Variants in PCDH9 observed in about 807,000 individuals in gnomAD.
PCDH9 encodes protocadherin 9.
PCDH9 carries 24 observed loss-of-function variants against 70.6 expected under a neutral mutation model. The observed-to-expected ratio is 0.34, with a 90% CI of 0.25 to 0.48. The LOEUF (loss-of-function observed/expected upper bound fraction) is 0.48, where lower values mean the gene tolerates loss of function less well. Among genes scored for constraint, PCDH9 ranks in the 20% least tolerant of loss-of-function variants. PCDH9 has a pLI of 0.99. For synonymous variants in PCDH9, 562 were observed against 558.5 expected, an observed-to-expected ratio of 1.01 and a Z score of -0.09; for missense variants, 1,281 against 1,503.6, an observed-to-expected ratio of 0.85 and a Z score of 2.45.
chr13:66,821,528 A>G (rs536110162), intron 3 of PCDH9, among the ~76,000 whole-genome samples: 1 of 152,172 alleles, frequency 6.6e-6, no homozygotes, highest in Admixed American at 6.5e-5. Flanking sequence ...CAGTATTCAT[A>G]GAAAAAGTCA....
At chr13:66,491,230 TA>T (rs1959027233) in intron 4 of PCDH9, among the ~76,000 whole-genome samples, 1 of 152,172 alleles carries the variant, frequency 6.6e-6, no homozygotes, top group African/African-American at 2.4e-5. Context: ...TGTTCTTTTT[TA>T]AACAGTGGTT....
chr13:66,588,731 T>G (rs1197243332), intron 4 of PCDH9, among the ~76,000 whole-genome samples: 1 of 151,870 alleles, frequency 6.6e-6, no homozygotes. Flanking sequence ...GTTCTTTTCT[T>G]GAAGATAATT....
At chr13:66,505,946 C>A (rs1212077787) in intron 4 of PCDH9, among the ~76,000 whole-genome samples, 1 of 152,186 alleles carries the variant, frequency 6.6e-6, no homozygotes. Flanking sequence ...CCACGCCCAA[C>A]TCAAAGTCTA....
intron 4 of PCDH9, among the ~76,000 whole-genome samples, chr13:66,571,634 A>T (rs1037435083): frequency 6.6e-6 from 1 of 151,988 alleles, no homozygotes; most frequent in African/African-American, 2.4e-5. Flanking sequence ...CGGCTAAAAG[A>T]CTGTTGTTTT....
intron 3 of PCDH9, among the ~76,000 whole-genome samples, chr13:66,826,707 TAA>T (rs1186992045): frequency 1.3e-5 from 2 of 151,818 alleles, no homozygotes; most frequent in Admixed American, 1.3e-4. Flanking sequence ...AATACAAAAC[TAA>T]AGAGTGGGAA....
chr13:67,171,232 T>C (rs959756783), intron 2 of PCDH9, among the ~76,000 whole-genome samples: 1 of 152,176 alleles, frequency 6.6e-6, no homozygotes, highest in African/African-American at 2.4e-5. Flanking sequence ...ACCCAAACTA[T>C]TTAAAAGAAA....
chr13:66,893,349 A>C (rs1048999888), intron 3 of PCDH9, among the ~76,000 whole-genome samples: 2 of 152,152 alleles, frequency 1.3e-5, no homozygotes, highest in African/African-American at 4.8e-5. Flanking sequence ...GCTAGTCTCC[A>C]ATCCTGGGTC....
At chr13:66,646,222 ACCTT>A (rs1157972996) in intron 3 of PCDH9, among the ~76,000 whole-genome samples, 4 of 152,220 alleles carry the variant, frequency 2.6e-5, no homozygotes, top group African/African-American at 9.6e-5. Context: ...AGTGATGTTT[ACCTT>A]TTCAGGATTG....
chr13:66,763,845 C>T (rs898596716), intron 3 of PCDH9, among the ~76,000 whole-genome samples: 1 of 151,992 alleles, frequency 6.6e-6, no homozygotes, highest in African/African-American at 2.4e-5. Flanking sequence ...ATCCAGCAGG[C>T]TGGAGTGCAG....
chr13:66,654,657 G>C (rs957538890), intron 3 of PCDH9, among the ~76,000 whole-genome samples: 3 of 152,004 alleles, frequency 2.0e-5, no homozygotes, highest in Non-Finnish European at 4.4e-5. Flanking sequence ...CATTTGAGTT[G>C]ACATATAGAA....
Position 66,701,495 on chromosome 13 carries a change from T to G in PCDH9, c.3139-70084A>C, listed in dbSNP as rs528396384. Among the ~76,000 whole-genome samples the G allele has an allele frequency of 5.9e-5, 9 of 152,288 alleles. No homozygotes were observed. The East Asian group carries it at 1.4e-3, about 23-fold the overall frequency. ...TACATTTTATCAATGCTCAGGCCAC[T>G]CAATACTTGAGATTAATTCAGAAGA... On this transcript the variant is annotated intron_variant, in intron 3 of 4. Coordinates refer to ENST00000377865, the MANE Select transcript of PCDH9 (RefSeq NM_203487.3).
intron 4 of PCDH9, among the ~76,000 whole-genome samples, chr13:66,531,095 TA>T (rs201531717): frequency 0.016 from 2,014 of 127,912 alleles, 48 homozygotes; most frequent in African/African-American, 0.052. Flanking sequence ...GTGTTGGAGG[TA>T]AAAAAAAAAT....
chr13:67,151,155 A>G (rs1441088158), intron 2 of PCDH9, among the ~76,000 whole-genome samples: 1 of 152,094 alleles, frequency 6.6e-6, no homozygotes, highest in East Asian at 1.9e-4. Flanking sequence ...CATTTTATTC[A>G]AAACTCATCA....
intron 2 of PCDH9, among the ~76,000 whole-genome samples, chr13:66,947,416 C>G (rs2083106520): frequency 6.6e-6 from 1 of 151,978 alleles, no homozygotes; most frequent in African/African-American, 2.4e-5. Flanking sequence ...TAATCATGTT[C>G]TTTTTCCAAA....
At chr13:66,719,663 T>C (rs1352073151) in intron 3 of PCDH9, among the ~76,000 whole-genome samples, 1 of 152,198 alleles carries the variant, frequency 6.6e-6, no homozygotes, top group Admixed American at 6.5e-5. Flanking sequence ...AACGTGATAA[T>C]TGCTCAACAT....
intron 3 of PCDH9, among the ~76,000 whole-genome samples, chr13:66,849,918 C>T (rs2081287025): frequency 6.6e-6 from 1 of 152,104 alleles, no homozygotes; most frequent in Non-Finnish European, 1.5e-5. Flanking sequence ...TGCATAGATG[C>T]CTGGGCACAG....
chr13:66,612,910 G>A (rs1460766080), intron 4 of PCDH9, among the ~76,000 whole-genome samples: 4 of 151,998 alleles, frequency 2.6e-5, no homozygotes, highest in Admixed American at 6.6e-5. Flanking sequence ...ATGGCCTTGA[G>A]ACAAAGTACC....
chr13:66,602,905 TTG>T (rs1368745058), intron 4 of PCDH9, among the ~76,000 whole-genome samples: 1 of 145,844 alleles, frequency 6.9e-6, no homozygotes, highest in East Asian at 1.9e-4. Context: ...ATATACAGTA[TTG>T]TGTTATAATT....
chr13:66,346,778 G>C (rs1441699319), intron 4 of PCDH9, among the ~76,000 whole-genome samples: 1 of 152,166 alleles, frequency 6.6e-6, no homozygotes, highest in Non-Finnish European at 1.5e-5. Flanking sequence ...GTTAACCTGT[G>C]TTGGTGTGGC....
Sources: gnomAD v4.1 joint callset for allele counts (sites outside exome capture counted in the v4.1 genomes callset) on GRCh38, gnomAD v4.1.1 for gene constraint, MANE v1.5 for transcripts, NCBI Gene and HGNC (gene_info 2026-07-23, HGNC 2026-07-21) for gene names.